The following SRGAP2 variants were observed in gnomAD, a reference collection of about 807,000 sequenced individuals.
The protein encoded by SRGAP2 is SLIT-ROBO Rho GTPase activating protein 2.
In SRGAP2, 15 loss-of-function variants were observed where a neutral mutation model predicts 57.2. That is an observed-to-expected ratio of 0.26 (90% CI 0.18 to 0.40). The LOEUF is 0.40. Among genes scored for constraint, SRGAP2 ranks in the 10% least tolerant of loss-of-function variants. The probability of loss-of-function intolerance (pLI) is 1.00; values close to 1 mark genes in which losing one functional copy is unlikely to be tolerated. For synonymous variants in SRGAP2, 249 were observed against 248.0 expected (o/e 1.00, Z -0.04); for missense variants, 520 against 669.6 (o/e 0.78, Z 2.47).
At chr1:206,434,743 G>T (rs1553369409) in intron 14 of SRGAP2, among the ~76,000 whole-genome samples, 1 of 152,146 alleles carries the variant, frequency 6.6e-6, no homozygotes, top group East Asian at 1.9e-4. Flanking sequence ...TGTGTTCCAG[G>T]CCTGCTGCCT....
intron 18 of SRGAP2, among the ~76,000 whole-genome samples, chr1:206,449,516 C>G (rs72752960): frequency 0.041 from 6,204 of 150,848 alleles, 214 homozygotes; most frequent in Non-Finnish European, 0.073. Flanking sequence ...TCCCAAACTC[C>G]TAGACTCAAA....
chr1:206,305,912 T>C (rs1313557531), intron 3 of SRGAP2, among the ~76,000 whole-genome samples: 2 of 152,042 alleles, frequency 1.3e-5, no homozygotes, highest in Non-Finnish European at 2.9e-5. Flanking sequence ...CCAAGTCTTA[T>C]TCTCTTTATG....
chr1:206,429,550 C>T (rs1398339415), intron 13 of SRGAP2, among the ~76,000 whole-genome samples: 5 of 152,250 alleles, frequency 3.3e-5, no homozygotes, highest in Admixed American at 2.6e-4. Flanking sequence ...TGCAAAGCCA[C>T]GAGGCAAAGG....
chr1:206,373,671 G>A (rs1278456258), intron 4 of SRGAP2, among the ~76,000 whole-genome samples: 3 of 55,784 alleles, frequency 5.4e-5, no homozygotes, highest in Admixed American at 2.0e-4. Flanking sequence ...GGAGGCGGAG[G>A]TTGCAGTGAG....
At chr1:206,262,304 T>G (rs1160466787) in intron 2 of SRGAP2, among the ~76,000 whole-genome samples, 6 of 138,326 alleles carry the variant, frequency 4.3e-5, no homozygotes, top group South Asian at 2.2e-4. Context: ...AGTGTTTTTG[T>G]TTTTTTTTTT....
chr1:206,281,437 T>A (rs1670729062), intron 2 of SRGAP2, among the ~76,000 whole-genome samples: 2 of 121,386 alleles, frequency 1.6e-5, no homozygotes, highest in Non-Finnish European at 3.2e-5. Context: ...TAAATCAAGT[T>A]GACATAATAC....
chr1:206,424,807 G>A (rs192102200), intron 13 of SRGAP2, among the ~76,000 whole-genome samples: 6 of 152,318 alleles, frequency 3.9e-5, no homozygotes, highest in African/African-American at 1.4e-4. Context: ...GGAGAGAGGA[G>A]GATGGCAGGA....
intron 13 of SRGAP2, among the ~76,000 whole-genome samples, chr1:206,426,352 A>G (rs1660796423): frequency 6.6e-6 from 1 of 152,194 alleles, no homozygotes; most frequent in Admixed American, 6.5e-5. Context: ...TATATATACC[A>G]CATTTTACCC....
chr1:206,249,692 T>C (rs1668721735), intron 2 of SRGAP2, among the ~76,000 whole-genome samples: 1 of 151,356 alleles, frequency 6.6e-6, no homozygotes, highest in Non-Finnish European at 1.5e-5. Context: ...TGTGTACCTA[T>C]GTAACAAACC....
chr1:206,224,362 T>C, intron 2 of SRGAP2, among the ~76,000 whole-genome samples: 1 of 149,022 alleles, frequency 6.7e-6, no homozygotes, highest in African/African-American at 2.6e-5. Context: ...CTAGTCCTTA[T>C]TGTCTGTGAT....
chr1:206,449,121 C>T (rs781893006), intron 18 of SRGAP2, among the ~76,000 whole-genome samples: 1 of 152,058 alleles, frequency 6.6e-6, no homozygotes, highest in Non-Finnish European at 1.5e-5. Flanking sequence ...CTGCCTACTA[C>T]CAGAGGAAGA....
At chr1:206,428,657 A>AT (rs1369793114) in intron 13 of SRGAP2, among the ~76,000 whole-genome samples, 2 of 151,640 alleles carry the variant, frequency 1.3e-5, no homozygotes, top group Non-Finnish European at 2.9e-5. Context: ...TCATTTCTTC[A>AT]TTTTTCTTTT....
At chr1:206,335,881 A>C (rs550797148) in intron 3 of SRGAP2, among the ~76,000 whole-genome samples, 1,603 of 151,786 alleles carry the variant, frequency 0.011, 19 homozygotes, top group African/African-American at 0.037. Context: ...CTCTCACTTA[A>C]CATAAATTGA....
In SRGAP2 at chr1:206,244,300, C is replaced by T. The variant is rs1235504854; in HGVS notation, c.67+38263C>T. On this transcript the variant is annotated intron_variant, in intron 2 of 22. Coordinates refer to ENST00000573034, the MANE Select transcript of SRGAP2 (RefSeq NM_015326.5). ...TTTTTTTTTTTTTTTAAGGCAGAGTCATGCTCCGTCACCCAGGCTGGAGTG... is the reference window on the plus strand; with the variant it reads ...TTTTTTTTTTTTTTTAAGGCAGAGTTATGCTCCGTCACCCAGGCTGGAGTG... 7.5e-5 allele frequency among the ~76,000 whole-genome samples: 7 copies of T among 93,858 alleles called. 1 individual carries two copies. The highest frequency in any genetic ancestry group is 8.9e-4 in the East Asian group (2 of 2,246). The allele number at this position is 93,858 out of a possible 152,430, so 61.6% of individuals were successfully genotyped here.
intron 3 of SRGAP2, among the ~76,000 whole-genome samples, chr1:206,337,923 C>T (rs1342645953): frequency 2.0e-5 from 3 of 151,860 alleles, no homozygotes; most frequent in East Asian, 3.9e-4. Flanking sequence ...TCCCTTTAAG[C>T]GCTTGTTGCT....
rs1553304608 is a variant in SRGAP2 at position 206,221,148 on chromosome 1, T to C, written c.67+15111T>C. On this transcript the variant is annotated intron_variant, in intron 2 of 22. Transcript: ENST00000573034. ...GTAGAGACAGGGTTTCACCATGTTG[T>C]TCAGGCTGGTCTCGAACTCCTGACC... Among the ~76,000 whole-genome samples the C allele has an allele frequency of 2.0e-5, 3 of 148,588 alleles. 1 individual carries two copies. Among genetic ancestry groups the C allele is most frequent in the African/African-American group, 7.8e-5 (3 of 38,702 alleles).
Position 206,436,117 on chromosome 1 carries a change from T to C in SRGAP2, c.1556-848T>C, listed in dbSNP as rs188916996. 2.4e-3 allele frequency among the ~76,000 whole-genome samples: 358 copies of C among 152,130 alleles called. 1 individual carries two copies. Among genetic ancestry groups the C allele is most frequent in the African/African-American group, 7.8e-3 (323 of 41,482 alleles). The stretch of plus-strand genomic sequence containing the variant: ...GGGATTTTTTTTTTATCATCAGCTA[T>C]CATTAGAATATTTTATGTGTGGCCC... On this transcript the variant is annotated intron_variant, in intron 14 of 22. Coordinates refer to ENST00000573034, the MANE Select transcript of SRGAP2 (RefSeq NM_015326.5).
At chr1:206,278,694 T>C (rs1481815633) in intron 2 of SRGAP2, among the ~76,000 whole-genome samples, 1 of 149,212 alleles carries the variant, frequency 6.7e-6, no homozygotes, top group Non-Finnish European at 1.5e-5. Context: ...GGTAGGGAGC[T>C]TTTAGATGAG....
At chr1:206,354,411 T>C (rs182803829) in intron 4 of SRGAP2, among the ~76,000 whole-genome samples, 267 of 152,322 alleles carry the variant, frequency 1.8e-3, no homozygotes, top group African/African-American at 5.7e-3. Flanking sequence ...TTTCTGGGGT[T>C]TTCATGGGAA....
Sources: gnomAD v4.1 joint callset for allele counts (sites outside exome capture counted in the v4.1 genomes callset) on GRCh38, gnomAD v4.1.1 for gene constraint, MANE v1.5 for transcripts, NCBI Gene and HGNC (gene_info 2026-07-23, HGNC 2026-07-21) for gene names.